ADGRG7: variants seen among roughly 807,000 people sequenced by gnomAD.
ADGRG7 encodes adhesion G protein-coupled receptor G7, also known as G-protein coupled receptor 128.
In ADGRG7, 82 loss-of-function variants were observed where a neutral mutation model predicts 88.6. That is an observed-to-expected ratio of 0.93 (90% CI 0.77 to 1.11). The LOEUF (loss-of-function observed/expected upper bound fraction) is 1.11, where lower values mean the gene tolerates loss of function less well. Ranked by LOEUF, ADGRG7 falls within the 50% of genes most tolerant of loss-of-function variation. The pLI, the probability that ADGRG7 is intolerant of heterozygous loss-of-function variation, is 0.00. For missense variants in ADGRG7, 945 were observed against 953.4 expected (o/e 0.99, Z 0.12); for synonymous variants, 381 against 345.2 (o/e 1.10, Z -1.15).
chr3:100,636,079 G>C (rs892226568), intron 5 of ADGRG7, among the ~76,000 whole-genome samples: 3 of 152,196 alleles, frequency 2.0e-5, no homozygotes, highest in South Asian at 2.1e-4. Flanking sequence ...TTTTGAGACA[G>C]AGTCTCATTG....
In ADGRG7 at chr3:100,668,969, T is replaced by C; in HGVS notation, c.2000T>C (p.Met667Thr). 1 of 1,596,336 alleles carries C rather than the reference T, an allele frequency of 6.3e-7. No homozygotes were observed. The highest frequency in any genetic ancestry group is 8.5e-7 in the Non-Finnish European group (1 of 1,173,674). The change falls in exon 15 of 16, where the codon ATG becomes ACG. Residue 667 changes from methionine (M) to threonine (T), a missense_variant. Transcript: ENST00000273352. ...NLTSTKKVSS[M>T]KKIVSTLSVA... ...CCTAGCACAAAAAAAGTTTCATCCA[T>C]GAAGAAGATTGTTAGCACATTATCT...
chr3:100,677,388 A>G (rs1158137778), intron 15 of ADGRG7, among the ~76,000 whole-genome samples: 1 of 152,018 alleles, frequency 6.6e-6, no homozygotes, highest in Non-Finnish European at 1.5e-5. Flanking sequence ...TTTTCTATTT[A>G]TATCTTATTA....
intron 8 of ADGRG7, among the ~76,000 whole-genome samples, 180 bp from the exon 9 acceptor site, chr3:100,645,765 G>A (rs891638011): frequency 8.5e-5 from 13 of 152,048 alleles, no homozygotes; most frequent in Non-Finnish European, 1.5e-4. Flanking sequence ...GGAATGGCCC[G>A]CCATAGGTTA....
intron 12 of ADGRG7, 78 bp from the exon 13 acceptor site, chr3:100,655,821 T>C: frequency 1.2e-6 from 1 of 858,944 alleles, no homozygotes; most frequent in East Asian, 2.4e-5. Flanking sequence ...GGGTCAGATG[T>C]ATAATTCATG....
At chr3:100,643,195 G>A (rs1707674674) in intron 6 of ADGRG7, 71 bp from the exon 7 acceptor site, 7 of 1,372,780 alleles carry the variant, frequency 5.1e-6, no homozygotes, top group Non-Finnish European at 7.1e-6. Context: ...CTGCTGTAGT[G>A]TAAGACAGAA....
chr3:100,610,033 C>A, intron 1 of ADGRG7, 62 bp downstream of exon 1: 1 of 1,312,520 alleles, frequency 7.6e-7, no homozygotes, highest in Non-Finnish European at 1.1e-6. Context: ...CTGTCCCTGC[C>A]ACCTGGTGCA....
intron 1 of ADGRG7, among the ~76,000 whole-genome samples, chr3:100,619,587 A>T (rs1707278424): frequency 6.6e-6 from 1 of 152,218 alleles, no homozygotes; most frequent in Non-Finnish European, 1.5e-5. Flanking sequence ...TAAAGACACA[A>T]AAAACCCTTC....
intron 15 of ADGRG7, among the ~76,000 whole-genome samples, chr3:100,676,478 T>G (rs1388627101): frequency 6.6e-6 from 1 of 152,164 alleles, no homozygotes; most frequent in African/African-American, 2.4e-5. Context: ...TGATATAATT[T>G]CATTTTTTTG....
At chr3:100,635,046 C>T (rs530320101) in intron 4 of ADGRG7, among the ~76,000 whole-genome samples, 4 of 151,876 alleles carry the variant, frequency 2.6e-5, no homozygotes, top group African/African-American at 7.2e-5. Context: ...CACACGTGCG[C>T]GCGCATGGAC....
At position 100,637,304 on chromosome 3, in the gene ADGRG7, A is replaced by G; in HGVS notation, c.600A>G (p.Ala200=). ...GATCAGTATCTTCTCTTTGGCAGGC[A>G]AAGAAAGTTGCCATAGTAACAGTGA... ...FNTSRNASPE[A]KKVAIVTVSQ... Residue 200 remains alanine (A), a splice_region_variant and synonymous_variant, in exon 6 of 16, where the codon GCA becomes GCG. Transcript: ENST00000273352. The G allele has an allele frequency of 6.2e-7, 1 of 1,610,666 alleles. No individual in the cohort carries two copies. Among genetic ancestry groups the G allele is most frequent in the Non-Finnish European group, 8.5e-7 (1 of 1,177,076 alleles).
At chr3:100,682,080 G>A (rs2094974178) in intron 15 of ADGRG7, among the ~76,000 whole-genome samples, 2 of 152,214 alleles carry the variant, frequency 1.3e-5, no homozygotes, top group Admixed American at 6.5e-5. Flanking sequence ...CTGCAGTGGG[G>A]TACAGGCGCA....
Position 100,668,944 on chromosome 3 carries a change from C to T in ADGRG7, c.1980-5C>T, listed in dbSNP as rs746517682. 2 of 1,575,160 alleles carry T rather than the reference C, an allele frequency of 1.3e-6. No individual in the cohort carries two copies. Among genetic ancestry groups the T allele is most frequent in the Non-Finnish European group, 1.7e-6 (2 of 1,163,678 alleles). On this transcript the variant is annotated splice_polypyrimidine_tract_variant and splice_region_variant and intron_variant, in intron 14 of 15. Coordinates refer to ENST00000273352, the MANE Select transcript of ADGRG7 (RefSeq NM_032787.3). ...ACATTATTTTTCTTGTTTTCTTTCA[C>T]CTAGCACAAAAAAAGTTTCATCCAT... is the stretch of plus-strand genomic sequence containing the variant.
At chr3:100,669,235 C>A in intron 15 of ADGRG7, 130 bp downstream of exon 15, 1 of 564,648 alleles carries the variant, frequency 1.8e-6, no homozygotes, top group Non-Finnish European at 2.8e-6. Flanking sequence ...GCCTGTAATG[C>A]CAGCACTTTG....
intron 15 of ADGRG7, among the ~76,000 whole-genome samples, chr3:100,685,063 A>G (rs993832030): frequency 1.3e-5 from 2 of 151,958 alleles, no homozygotes; most frequent in Non-Finnish European, 2.9e-5. Context: ...AATGTTTTTA[A>G]TGTTTTGCCA....
In ADGRG7 at chr3:100,655,046, G is replaced by T; in HGVS notation, c.1591G>T (p.Ala531Ser). 1 of 1,614,082 alleles carries T rather than the reference G, an allele frequency of 6.2e-7. No homozygotes were observed. The part of the protein sequence containing the change: ...IPNPMCTAIA[A>S]LLHYFLLVTF... ...GAATCCCATGTGCACTGCGATTGCC[G>T]CCTTACTGCACTATTTTCTGTTAGT... Residue 531 changes from alanine (A) to serine (S), a missense_variant, in exon 12 of 16, where the codon GCC (alanine) becomes TCC (serine). Transcript: ENST00000273352.
chr3:100,613,538 T>TA (rs35056308), intron 1 of ADGRG7, among the ~76,000 whole-genome samples: 412 of 147,390 alleles, frequency 2.8e-3, no homozygotes, highest in African/African-American at 9.0e-3. Flanking sequence ...CCCCCTAAAT[T>TA]AAAAAAAAAA....
chr3:100,660,216 A>C (rs2094943384), intron 14 of ADGRG7, among the ~76,000 whole-genome samples: 1 of 152,246 alleles, frequency 6.6e-6, no homozygotes, highest in Admixed American at 6.5e-5. Flanking sequence ...CTGGATTTTC[A>C]TTTTATTAAT....
intron 15 of ADGRG7, among the ~76,000 whole-genome samples, chr3:100,688,428 G>A (rs1437997006): frequency 6.6e-6 from 1 of 152,102 alleles, no homozygotes; most frequent in Non-Finnish European, 1.5e-5. Context: ...GCTTTTGAAT[G>A]TGTTTGCTCT....
At chr3:100,687,772 G>T (rs865840987) in intron 15 of ADGRG7, among the ~76,000 whole-genome samples, 2 of 152,138 alleles carry the variant, frequency 1.3e-5, no homozygotes. Flanking sequence ...TGCTGGATTC[G>T]GTTTGCCAGT....
Sources: gnomAD v4.1 joint callset for allele counts (sites outside exome capture counted in the v4.1 genomes callset) on GRCh38, gnomAD v4.1.1 for gene constraint, MANE v1.5 for transcripts, NCBI Gene and HGNC (gene_info 2026-07-23, HGNC 2026-07-21) for gene names.